RMDN2: variants seen among roughly 807,000 people sequenced by gnomAD.
RMDN2 encodes the protein regulator of microtubule dynamics protein 2.
A neutral mutation model predicts 52.8 loss-of-function variants in RMDN2; 61 were observed. That is an observed-to-expected ratio of 1.16 (90% CI 0.94 to 1.43). RMDN2 has a LOEUF of 1.43. Ranked by LOEUF, RMDN2 falls within the 40% of genes most tolerant of loss-of-function variation. The pLI, the probability that RMDN2 is intolerant of heterozygous loss-of-function variation, is 0.00. For synonymous variants in RMDN2, 180 were observed against 153.1 expected, an observed-to-expected ratio of 1.18 and a Z score of -1.30; for missense variants, 592 against 475.3, an observed-to-expected ratio of 1.25 and a Z score of -2.28.
At chr2:37,947,091 T>C (rs1572740106) in intron 2 of RMDN2, among the ~76,000 whole-genome samples, 1 of 152,134 alleles carries the variant, frequency 6.6e-6, no homozygotes, top group African/African-American at 2.4e-5. Context: ...AGGGTAAAAA[T>C]GCAGTTCTGT....
At chr2:38,063,304 G>A (rs1046901581) in intron 10 of RMDN2, among the ~76,000 whole-genome samples, 55 of 152,130 alleles carry the variant, frequency 3.6e-4, no homozygotes, top group African/African-American at 1.2e-3. Context: ...TTTAATGATC[G>A]CCATTCTAAC....
At chr2:38,011,780 G>A (rs1678030139) in intron 10 of RMDN2, among the ~76,000 whole-genome samples, 1 of 152,216 alleles carries the variant, frequency 6.6e-6, no homozygotes. Context: ...TTGTGGGCAA[G>A]TATATTGCAG....
intron 2 of RMDN2, among the ~76,000 whole-genome samples, chr2:37,964,868 G>T (rs1670823556): frequency 6.6e-6 from 1 of 151,994 alleles, no homozygotes; most frequent in South Asian, 2.1e-4. Context: ...TTATTGTGTT[G>T]CTATTTCTTT....
At chr2:38,003,733 A>G (rs1676675954) in intron 8 of RMDN2, among the ~76,000 whole-genome samples, 1 of 152,116 alleles carries the variant, frequency 6.6e-6, no homozygotes, top group Admixed American at 6.5e-5. Context: ...AAATCTGAAA[A>G]CCATAAAGTA....
At chr2:38,034,597 T>C (rs1042287431) in intron 10 of RMDN2, among the ~76,000 whole-genome samples, 1 of 151,978 alleles carries the variant, frequency 6.6e-6, no homozygotes, top group East Asian at 1.9e-4. Flanking sequence ...TGTATTGTGG[T>C]AAACAATGAT....
intron 8 of RMDN2, among the ~76,000 whole-genome samples, chr2:38,003,546 T>TAGATAGATA (rs374190382): frequency 2.3e-5 from 3 of 132,466 alleles, no homozygotes; most frequent in East Asian, 2.3e-4. Flanking sequence ...AAGCAAGACC[T>TAGATAGATA]GATAGATAGA....
rs1051669241 is a variant in RMDN2 at position 37,995,842 on chromosome 2, T to G, written c.946-1574T>G. Among the ~76,000 whole-genome samples the G allele has an allele frequency of 3.3e-5, 5 of 152,340 alleles. No individual in the cohort carries two copies. The East Asian group carries it at 9.6e-4, about 29-fold the overall frequency. On this transcript the variant is annotated intron_variant, in intron 7 of 10. Transcript: ENST00000354545. Reference sequence around the variant, plus strand: ...TTAAAAAACAAAATTATAGAAATGATAATGAAAACCCCAAGTAGATGCCAT... The same window carrying G: ...TTAAAAAACAAAATTATAGAAATGAGAATGAAAACCCCAAGTAGATGCCAT...
At chr2:37,948,171 T>TA (rs1183541852) in intron 2 of RMDN2, among the ~76,000 whole-genome samples, 1 of 152,214 alleles carries the variant, frequency 6.6e-6, no homozygotes, top group Non-Finnish European at 1.5e-5. Context: ...TCTTAGGACA[T>TA]ACCCCGGACC....
At chr2:37,954,055 T>C (rs922023403) in intron 2 of RMDN2, among the ~76,000 whole-genome samples, 1 of 152,014 alleles carries the variant, frequency 6.6e-6, no homozygotes, top group African/African-American at 2.4e-5. Flanking sequence ...GTTGTTTGTT[T>C]TTTTGTTGAT....
At position 37,989,578 on chromosome 2, in the gene RMDN2, G is replaced by A; in HGVS notation, c.829G>A (p.Gly277Ser). 6.2e-7 allele frequency: 1 copy of A among 1,610,216 alleles called. No individual in the cohort carries two copies. The highest frequency in any genetic ancestry group is 8.5e-7 in the Non-Finnish European group (1 of 1,178,822). Reference sequence around the variant, plus strand: ...GTGTGGCTATGTATCTGAGTTTGAGGGTTTACAAAACAAAATCAACTATGG... The same window carrying A: ...GTGTGGCTATGTATCTGAGTTTGAGAGTTTACAAAACAAAATCAACTATGG... The part of the protein sequence containing the change: ...VLCGYVSEFE[G>S]LQNKINYGHL... Residue 277 changes from glycine to serine, a missense_variant, in exon 6 of 11, where the codon GGT becomes AGT. Gly to Ser is a moderately conservative substitution (Grantham distance 56). Coordinates refer to ENST00000354545, the MANE Select transcript of RMDN2 (RefSeq NM_001170791.3).
At chr2:37,929,163 G>A in intron 1 of RMDN2, 99 bp from the exon 2 acceptor site, 1 of 676,176 alleles carries the variant, frequency 1.5e-6, no homozygotes, top group Non-Finnish European at 2.5e-6. Context: ...TAAATCCTGT[G>A]ATGTAAACTT....
intron 5 of RMDN2, among the ~76,000 whole-genome samples, chr2:37,987,370 G>A (rs1674163510): frequency 6.6e-6 from 1 of 152,104 alleles, no homozygotes; most frequent in Non-Finnish European, 1.5e-5. Flanking sequence ...ACAGAAATGA[G>A]CTATCAAGGC....
At chr2:38,007,519 G>A (rs1677284004) in intron 10 of RMDN2, among the ~76,000 whole-genome samples, 2 of 152,098 alleles carry the variant, frequency 1.3e-5, no homozygotes, top group African/African-American at 4.8e-5. Flanking sequence ...TTCTCTGATG[G>A]TAGTTTGTAT....
At chr2:38,052,609 C>T (rs771319055) in intron 10 of RMDN2, among the ~76,000 whole-genome samples, 6 of 152,142 alleles carry the variant, frequency 3.9e-5, no homozygotes, top group Non-Finnish European at 7.3e-5. Context: ...ACACCAATGT[C>T]CTGGAGCAAG....
intron 4 of RMDN2, among the ~76,000 whole-genome samples, chr2:37,978,321 GGGGAGA>G (rs1405564046): frequency 1.7e-4 from 22 of 130,412 alleles, no homozygotes; most frequent in East Asian, 1.2e-3. Context: ...AAAGGGGAGG[GGGGAGA>G]GGGAGGGGGA....
At chr2:37,965,192 C>T (rs905876309) in intron 2 of RMDN2, among the ~76,000 whole-genome samples, 1 of 151,988 alleles carries the variant, frequency 6.6e-6, no homozygotes, top group Non-Finnish European at 1.5e-5. Context: ...GCCAATATAC[C>T]TTTTGATTGA....
intron 2 of RMDN2, among the ~76,000 whole-genome samples, chr2:37,956,406 C>T (rs1307860381): frequency 6.6e-6 from 1 of 151,960 alleles, no homozygotes; most frequent in Non-Finnish European, 1.5e-5. Context: ...TCTTTCATTT[C>T]TGATTGTATT....
intron 10 of RMDN2, among the ~76,000 whole-genome samples, chr2:38,011,524 C>G (rs1270320186): frequency 6.6e-6 from 1 of 152,124 alleles, no homozygotes; most frequent in Non-Finnish European, 1.5e-5. Flanking sequence ...AATACAAGTT[C>G]CAATATTTAT....
At chr2:38,053,966 C>T (rs1681743908) in intron 10 of RMDN2, among the ~76,000 whole-genome samples, 1 of 152,180 alleles carries the variant, frequency 6.6e-6, no homozygotes. Context: ...CCAAGAACGA[C>T]TCATTGGTTG....
Sources: gnomAD v4.1 joint callset for allele counts (sites outside exome capture counted in the v4.1 genomes callset) on GRCh38, gnomAD v4.1.1 for gene constraint, MANE v1.5 for transcripts, NCBI Gene and HGNC (gene_info 2026-07-23, HGNC 2026-07-21) for gene names.